Variants in SAGE1 observed in about 807,000 individuals in gnomAD.
SAGE1 encodes cancer/testis antigen 14.
In SAGE1, 55 loss-of-function variants were observed where a neutral mutation model predicts 55.4. The ratio of observed to expected loss-of-function variants is 0.99; its 90% CI spans 0.80 to 1.24. The LOEUF is 1.24. Ranked by LOEUF, SAGE1 falls within the 50% of genes most tolerant of loss-of-function variation. The pLI, the probability that SAGE1 is intolerant of heterozygous loss-of-function variation, is 0.00. For missense variants in SAGE1, 710 were observed against 704.4 expected (o/e 1.01, Z -0.09); for synonymous variants, 240 against 244.3 (o/e 0.98, Z 0.17).
At chrX:135,898,667 G>A (rs2088624680) in intron 2 of SAGE1, among the ~76,000 whole-genome samples, 1 of 111,559 alleles carries the variant, frequency 9.0e-6, no homozygotes, top group Non-Finnish European at 1.9e-5. Context: ...GTTTTTTGAC[G>A]TTTTAGTAAT....
chrX:135,894,158 C>A (rs1471057976), intron 1 of SAGE1, among the ~76,000 whole-genome samples: 1 of 111,947 alleles, frequency 8.9e-6, no homozygotes, highest in Non-Finnish European at 1.9e-5. Context: ...ACCCAACCTC[C>A]GCCTCCCGGG....
chrX:135,910,672 T>A (rs2088882463), intron 16 of SAGE1, 117 bp downstream of exon 16: 4 of 650,085 alleles, frequency 6.2e-6, no homozygotes, highest in Non-Finnish European at 9.6e-6. Context: ...TTGAGGGGTA[T>A]CATATGTCCA....
intron 3 of SAGE1, among the ~76,000 whole-genome samples, chrX:135,903,854 G>A (rs1210751111): frequency 1.8e-5 from 2 of 112,262 alleles, no homozygotes; most frequent in African/African-American, 3.2e-5. Context: ...TTCTGCTGTC[G>A]TACTTCTTTA....
At position 135,909,627 on chromosome X, in the gene SAGE1, T is replaced by G. The variant is rs782109279; in HGVS notation, c.1583-12T>G. 1 of 1,192,879 alleles carries G rather than the reference T, an allele frequency of 8.4e-7. No individual in the cohort carries two copies. Among genetic ancestry groups the G allele is most frequent in the Non-Finnish European group, 1.1e-6 (1 of 885,960 alleles). ...CTTACGTCACAAGTCAACCTCTTTA[T>G]TTGGTTTCCAGATGCTACCGTCACT... is the stretch of plus-strand genomic sequence containing the variant. On this transcript the variant is annotated splice_polypyrimidine_tract_variant and intron_variant, in intron 13 of 19. Coordinates refer to ENST00000370709, the MANE Select transcript of SAGE1 (RefSeq NM_001381902.1).
chrX:135,910,397 C>T lies in SAGE1; in HGVS notation c.1865-18C>T. 8.3e-7 allele frequency: 1 copy of T among 1,207,015 alleles called. No homozygotes were observed. Among genetic ancestry groups the T allele is most frequent in the Non-Finnish European group, 1.1e-6 (1 of 892,520 alleles). On this transcript the variant is annotated intron_variant, in intron 15 of 19. Transcript: ENST00000370709. ...ATAATGCACTTACCTCACGCCCAACCTCTTCTTTTGTTTCCAGATGCTGCA... is the reference window on the plus strand; with the variant it reads ...ATAATGCACTTACCTCACGCCCAACTTCTTCTTTTGTTTCCAGATGCTGCA...
intron 4 of SAGE1, among the ~76,000 whole-genome samples, chrX:135,904,818 C>T (rs1556599317): frequency 9.0e-6 from 1 of 111,486 alleles, no homozygotes. Context: ...GTGGGGTTGA[C>T]ATAATGCACT....
chrX:135,898,353 G>A (rs1168995972), intron 2 of SAGE1, among the ~76,000 whole-genome samples: 1 of 112,458 alleles, frequency 8.9e-6, no homozygotes, highest in African/African-American at 3.2e-5. Flanking sequence ...ATAGTATTCC[G>A]TGGTGTATAT....
rs1569521218 is a variant in SAGE1, at chrX:135,904,485, GTCAC to G, written c.234_237del (p.His79AlafsTer7). 1 of 1,198,898 alleles carries G rather than the reference GTCAC, an allele frequency of 8.3e-7. No homozygotes were observed. The highest frequency in any genetic ancestry group is 3.0e-5 in the East Asian group (1 of 33,574). On this transcript the variant is annotated frameshift_variant, in exon 4 of 20. Transcript: ENST00000370709. LOFTEE classifies it high-confidence loss of function. Reference sequence around the variant, plus strand: ...CTTCATTTGGTTTCCAGATGCTGCAGTCACTCACAGCATTTGTGAAGAGAGGATA... The same window carrying G: ...CTTCATTTGGTTTCCAGATGCTGCAGTCACAGCATTTGTGAAGAGAGGATA...
chrX:135,902,397 C>T (rs1171782970), intron 3 of SAGE1, among the ~76,000 whole-genome samples: 1 of 112,109 alleles, frequency 8.9e-6, no homozygotes, highest in East Asian at 2.8e-4. Flanking sequence ...TCTACATGCT[C>T]AAATTTCTGA....
chrX:135,911,601 C>T lies in SAGE1; in HGVS notation c.2169C>T (p.Ile723=). ...CAGATGCTACTGTCATTCACGATATCCAGGAGGAGGAGATGGAAAATGATC... is the reference window on the plus strand; with the variant it reads ...CAGATGCTACTGTCATTCACGATATTCAGGAGGAGGAGATGGAAAATGATC... ...RDLYATVIHD[I]QEEEMENDQT... Residue 723 remains isoleucine (I), a synonymous_variant, in exon 18 of 20, where the codon ATC becomes ATT. Transcript: ENST00000370709. 1 of 1,204,105 alleles carries T rather than the reference C, an allele frequency of 8.3e-7. No individual in the cohort carries two copies. Among genetic ancestry groups the T allele is most frequent in the Non-Finnish European group, 1.1e-6 (1 of 889,552 alleles).
In SAGE1 at chrX:135,905,997, A is replaced by G. The variant is rs781984312; in HGVS notation, c.455-27A>G. On this transcript the variant is annotated intron_variant, in intron 5 of 19. Transcript: ENST00000370709. ...CACTGACGTAATGCACTTACCTCAC[A>G]GCTTGAACTCTTCATTTGGTTTCCA... 2.5e-6 allele frequency: 3 copies of G among 1,188,492 alleles called. No individual in the cohort carries two copies. In the Admixed American group the frequency reaches 6.7e-5, roughly 27 times the overall value.
In SAGE1 at chrX:135,911,206, C is replaced by T; in HGVS notation, c.2020C>T (p.His674Tyr). The change falls in exon 17 of 20, where the codon CAC becomes TAC. Residue 674 changes from histidine to tyrosine, a missense_variant. His to Tyr is a moderately conservative substitution (Grantham distance 83, BLOSUM62 2). Transcript: ENST00000370709. The part of the protein sequence containing the change: ...ITRDLYVTAT[H>Y]SVHEEKMTNG... ...TTTGTTTCCAGATGTCACCGCCACT[C>T]ACAGTGTCCATGAGGAGAAGATGAC... 2.5e-6 allele frequency: 3 copies of T among 1,210,958 alleles called. No homozygotes were observed. The highest frequency in any genetic ancestry group is 3.4e-6 in the Non-Finnish European group (3 of 894,891).
intron 15 of SAGE1, 88 bp from the exon 16 acceptor site, chrX:135,910,327 T>G: frequency 9.2e-7 from 1 of 1,087,948 alleles, no homozygotes; most frequent in East Asian, 3.0e-5. Flanking sequence ...AATGAGATAA[T>G]TTCCTAGATA....
chrX:135,898,613 T>C (rs1325068879), intron 2 of SAGE1, among the ~76,000 whole-genome samples: 5 of 112,105 alleles, frequency 4.5e-5, no homozygotes, highest in Admixed American at 3.8e-4. Flanking sequence ...CCACCAACAG[T>C]GTAAAAGCAG....
At position 135,908,947 on chromosome X, in the gene SAGE1, C is replaced by T; in HGVS notation, c.1525C>T (p.Pro509Ser). ...QTDKVISNDA[P>S]QLGHMAAGGI... ...TGATAAGGTCATATCAAATGATGCACCACAGCTTGGTCATATGGCTGCAGG... is the reference window on the plus strand; with the variant it reads ...TGATAAGGTCATATCAAATGATGCATCACAGCTTGGTCATATGGCTGCAGG... The change falls in exon 13 of 20, where the codon CCA (proline) becomes TCA (serine). Residue 509 changes from proline (P) to serine (S), a missense_variant. Pro to Ser is a moderately conservative substitution (Grantham distance 74). Coordinates refer to ENST00000370709, the MANE Select transcript of SAGE1 (RefSeq NM_001381902.1). 1 of 1,209,168 alleles carries T rather than the reference C, an allele frequency of 8.3e-7. No individual in the cohort carries two copies. Among genetic ancestry groups the T allele is most frequent in the Non-Finnish European group, 1.1e-6 (1 of 893,498 alleles).
intron 10 of SAGE1, 69 bp from the exon 11 acceptor site, chrX:135,908,020 A>AG: frequency 8.8e-7 from 1 of 1,134,087 alleles, no homozygotes; most frequent in South Asian, 1.9e-5. Flanking sequence ...TGAGCATCAG[A>AG]GGGGGTATTC....
At chrX:135,898,319 G>T (rs187489421) in intron 2 of SAGE1, among the ~76,000 whole-genome samples, 1 of 112,252 alleles carries the variant, frequency 8.9e-6, no homozygotes, top group Non-Finnish European at 1.9e-5. Flanking sequence ...GCACCCGGCC[G>T]ATCTCATTCC....
At chrX:135,898,132 C>T (rs2088615485) in intron 2 of SAGE1, among the ~76,000 whole-genome samples, 1 of 111,833 alleles carries the variant, frequency 8.9e-6, no homozygotes, top group African/African-American at 3.3e-5. Context: ...ATTCTCCTGC[C>T]TCAGCCTCCC....
At chrX:135,897,735 G>A (rs1302579952) in intron 2 of SAGE1, among the ~76,000 whole-genome samples, 2 of 111,274 alleles carry the variant, frequency 1.8e-5, no homozygotes, top group African/African-American at 6.5e-5. Flanking sequence ...ATAGGTAAAC[G>A]TGTGGCATGG....
Sources: allele counts gnomAD v4.1 joint callset (sites outside exome capture counted in the v4.1 genomes callset), GRCh38; gene constraint gnomAD v4.1.1; transcripts MANE v1.5; gene names NCBI Gene and HGNC (gene_info 2026-07-23, HGNC 2026-07-21).